The following DLG2 variants were observed in gnomAD, a reference collection of about 807,000 sequenced individuals.
DLG2 encodes discs large MAGUK scaffold protein 2, also known as disks large homolog 2.
DLG2 carries 45 observed loss-of-function variants against 132.5 expected under a neutral mutation model. That is an observed-to-expected ratio of 0.34 (90% CI 0.27 to 0.44). The LOEUF (loss-of-function observed/expected upper bound fraction) is 0.44. DLG2 is among the 20% of genes least tolerant of loss of function. The probability of loss-of-function intolerance (pLI) is 1.00; values close to 1 mark genes in which losing one functional copy is unlikely to be tolerated. For synonymous variants in DLG2, 424 were observed against 419.6 expected (o/e 1.01, Z -0.13); for missense variants, 1,045 against 1,196.9 (o/e 0.87, Z 1.87).
chr11:85,233,172 C>T (rs977349898), intron 4 of DLG2, among the ~76,000 whole-genome samples: 1 of 151,764 alleles, frequency 6.6e-6, no homozygotes, highest in South Asian at 2.1e-4. Flanking sequence ...TGGGTGATTT[C>T]TTGGTGCTAT....
At chr11:84,685,808 T>C (rs982829171) in intron 6 of DLG2, among the ~76,000 whole-genome samples, 3 of 152,060 alleles carry the variant, frequency 2.0e-5, no homozygotes, top group African/African-American at 7.2e-5. Context: ...TGGGTTCACG[T>C]CATTCTCCTG....
chr11:85,472,521 A>G (rs2093017177), intron 3 of DLG2, among the ~76,000 whole-genome samples: 1 of 151,996 alleles, frequency 6.6e-6, no homozygotes, highest in Non-Finnish European at 1.5e-5. Context: ...GATGGTCTTG[A>G]TCTCTTGACC....
intron 15 of DLG2, among the ~76,000 whole-genome samples, chr11:83,924,270 A>G (rs2078519345): frequency 1.3e-5 from 2 of 152,128 alleles, no homozygotes; most frequent in South Asian, 4.1e-4. Context: ...AACAGTTAAA[A>G]CATTAAAGGC....
chr11:84,247,963 C>T (rs955844941), intron 8 of DLG2, among the ~76,000 whole-genome samples: 6 of 152,132 alleles, frequency 3.9e-5, no homozygotes, highest in East Asian at 3.8e-4. Context: ...AATGTTCTTA[C>T]GCAACATGAC....
At chr11:84,537,233 A>G (rs2099357737) in intron 6 of DLG2, among the ~76,000 whole-genome samples, 1 of 152,044 alleles carries the variant, frequency 6.6e-6, no homozygotes, top group African/African-American at 2.4e-5. Context: ...CAGCCTCCCG[A>G]GTAGCTGGGA....
chr11:83,723,975 G>A (rs1387798545), intron 18 of DLG2, among the ~76,000 whole-genome samples: 1 of 152,176 alleles, frequency 6.6e-6, no homozygotes, highest in African/African-American at 2.4e-5. Context: ...AGAGAGCTGG[G>A]ATTTGAATTC....
chr11:84,478,960 G>A (rs2099129352), intron 7 of DLG2, among the ~76,000 whole-genome samples: 1 of 152,024 alleles, frequency 6.6e-6, no homozygotes. Flanking sequence ...AATAGGCATA[G>A]GTGTTACATT....
At chr11:84,894,822 G>C (rs1003955660) in intron 6 of DLG2, among the ~76,000 whole-genome samples, 13 of 152,236 alleles carry the variant, frequency 8.5e-5, no homozygotes, top group African/African-American at 2.2e-4. Flanking sequence ...CCAATCTCCT[G>C]CCTCTGGCCT....
At chr11:84,019,966 C>G (rs906620969) in intron 11 of DLG2, among the ~76,000 whole-genome samples, 8 of 152,090 alleles carry the variant, frequency 5.3e-5, no homozygotes, top group Admixed American at 2.6e-4. Context: ...CAAACTAACA[C>G]AGAGAGAGGG....
At chr11:83,764,888 A>G (rs912129931) in intron 18 of DLG2, among the ~76,000 whole-genome samples, 1 of 152,232 alleles carries the variant, frequency 6.6e-6, no homozygotes, top group Non-Finnish European at 1.5e-5. Flanking sequence ...GAGGAGAGAC[A>G]AACTCGGCTC....
chr11:84,923,719 T>C (rs2092871720), intron 6 of DLG2: 1 of 359,536 alleles, frequency 2.8e-6, no homozygotes, highest in Admixed American at 6.4e-5. Context: ...TGCTTCTCCA[T>C]GTGGAACAGG....
intron 3 of DLG2, among the ~76,000 whole-genome samples, chr11:85,573,644 G>T (rs1312953555): frequency 5.3e-5 from 8 of 152,100 alleles, no homozygotes; most frequent in African/African-American, 1.7e-4. Context: ...CAGCCCTCCT[G>T]TAGTTTCTGT....
chr11:83,478,862 C>T (rs907864724), intron 22 of DLG2, among the ~76,000 whole-genome samples: 68 of 151,932 alleles, frequency 4.5e-4, no homozygotes, highest in African/African-American at 1.6e-3. Flanking sequence ...TTGAGGGCAG[C>T]TTAGGTGTTA....
At chr11:85,437,407 T>C (rs906497389) in intron 3 of DLG2, among the ~76,000 whole-genome samples, 3 of 152,016 alleles carry the variant, frequency 2.0e-5, no homozygotes, top group African/African-American at 7.2e-5. Context: ...CAAAAAGTCA[T>C]AGAAAATAGA....
chr11:83,597,816 A>AACAC (rs762057106), intron 19 of DLG2, among the ~76,000 whole-genome samples: 8 of 140,952 alleles, frequency 5.7e-5, no homozygotes, highest in African/African-American at 1.4e-4. Flanking sequence ...CAAACAAACA[A>AACAC]ACACAAAAAC....
intron 11 of DLG2, among the ~76,000 whole-genome samples, chr11:83,994,921 G>A (rs775623706): frequency 2.6e-5 from 4 of 151,436 alleles, no homozygotes; most frequent in East Asian, 1.9e-4. Context: ...GCATCATCCC[G>A]ATCTCAGTCT....
chr11:84,454,607 G>T (rs1276462309), intron 7 of DLG2, among the ~76,000 whole-genome samples: 1 of 151,278 alleles, frequency 6.6e-6, no homozygotes, highest in Non-Finnish European at 1.5e-5. Context: ...CCTTAAGAGG[G>T]AATAAATATA....
intron 4 of DLG2, among the ~76,000 whole-genome samples, chr11:85,272,346 T>A (rs559691648): frequency 3.5e-4 from 53 of 152,306 alleles, no homozygotes; most frequent in Non-Finnish European, 6.0e-4. Context: ...ATCAGCAGTA[T>A]GAAAATAGAC....
At chr11:83,707,930 TCCCA>T (rs932418280) in intron 18 of DLG2, among the ~76,000 whole-genome samples, 15 of 152,108 alleles carry the variant, frequency 9.9e-5, no homozygotes, top group African/African-American at 3.6e-4. Context: ...TGAGTTAGAG[TCCCA>T]CCTTTGATAC....
Sources: allele counts gnomAD v4.1 joint callset (sites outside exome capture counted in the v4.1 genomes callset), GRCh38; gene constraint gnomAD v4.1.1; transcripts MANE v1.5; gene names NCBI Gene and HGNC (gene_info 2026-07-23, HGNC 2026-07-21).